The following CASP4 variants were observed in gnomAD, a reference collection of about 807,000 sequenced individuals.
CASP4 encodes caspase-4.
CASP4 carries 29 observed loss-of-function variants against 41.3 expected under a neutral mutation model. The observed-to-expected ratio is 0.70, with a 90% CI of 0.52 to 0.96. The LOEUF is 0.96. Ranked by LOEUF, CASP4 falls within the 40% of genes least tolerant of loss-of-function variation. CASP4 has a pLI of 0.00. For synonymous variants in CASP4, 185 were observed against 158.4 expected, an observed-to-expected ratio of 1.17 and a Z score of -1.26; for missense variants, 447 against 460.6, an observed-to-expected ratio of 0.97 and a Z score of 0.27.
intron 7 of CASP4, 33 bp downstream of exon 7, chr11:104,947,046 GAAGA>G (rs1374147919): frequency 4.3e-6 from 6 of 1,382,072 alleles, no homozygotes; most frequent in Non-Finnish European, 6.2e-6. Flanking sequence ...AATTCTTCCT[GAAGA>G]AATAAATGAG....
At chr11:104,967,660 G>T (rs981812801) in intron 1 of CASP4, among the ~76,000 whole-genome samples, 3 of 152,168 alleles carry the variant, frequency 2.0e-5, no homozygotes, top group African/African-American at 7.2e-5. Flanking sequence ...GGTAATAAAT[G>T]CCTGCAGGGT....
At chr11:104,948,840 C>CACCAT in intron 5 of CASP4, 164 bp from the exon 6 acceptor site, 1 of 279,154 alleles carries the variant, frequency 3.6e-6, no homozygotes, top group Non-Finnish European at 6.3e-6. Flanking sequence ...ACACACACCA[C>CACCAT]TTTTCTTTCT....
At chr11:104,957,237 A>T (rs55750323) in intron 1 of CASP4, among the ~76,000 whole-genome samples, 11 of 152,144 alleles carry the variant, frequency 7.2e-5, no homozygotes, top group African/African-American at 2.7e-4. Context: ...AACATACAAA[A>T]ATCTGTAGTG....
intron 1 of CASP4, among the ~76,000 whole-genome samples, chr11:104,955,211 T>A (rs1247364860): frequency 6.6e-6 from 1 of 152,156 alleles, no homozygotes; most frequent in Non-Finnish European, 1.5e-5. Context: ...TATTTTCTTT[T>A]TTGTTCTTTT....
intron 1 of CASP4, among the ~76,000 whole-genome samples, chr11:104,958,560 A>G (rs1334064205): frequency 2.6e-5 from 4 of 152,196 alleles, no homozygotes; most frequent in Non-Finnish European, 5.9e-5. Context: ...TGAAGTCACA[A>G]TGAAATATCA....
At chr11:104,956,232 A>G (rs553960627) in intron 1 of CASP4, among the ~76,000 whole-genome samples, 1 of 152,226 alleles carries the variant, frequency 6.6e-6, no homozygotes, top group African/African-American at 2.4e-5. Flanking sequence ...ACAATAAGCC[A>G]GTGGGGTAGT....
intron 2 of CASP4, among the ~76,000 whole-genome samples, chr11:104,953,639 G>A (rs1860667622): frequency 6.6e-6 from 1 of 152,100 alleles, no homozygotes; most frequent in South Asian, 2.1e-4. Flanking sequence ...AGTGCTGATT[G>A]AAAAAGCTCA....
chr11:104,960,623 C>T (rs191262361), intron 1 of CASP4, among the ~76,000 whole-genome samples: 51 of 152,236 alleles, frequency 3.4e-4, no homozygotes, highest in African/African-American at 1.2e-3. Context: ...GTGCACACAA[C>T]CACGCCTGGC....
rs548150305 is a variant in CASP4, at chr11:104,949,660, C to T, written c.664G>A (p.Asp222Asn). 5.0e-6 allele frequency: 8 copies of T among 1,613,960 alleles called. No individual in the cohort carries two copies. The African/African-American group carries it at 9.3e-5, about 19-fold the overall frequency. Residue 222 changes from aspartate (D) to asparagine (N), a missense_variant, in exon 5 of 9, where the codon GAT (aspartate) becomes AAT (asparagine). Physicochemically the swap from Asp to Asn is conservative, Grantham distance 23. Coordinates refer to ENST00000444739, the MANE Select transcript of CASP4 (RefSeq NM_001225.4). ...ILEGICGTVH[D>N]EKKPDVLLYD... is the part of the protein sequence containing the mutation. ...AGCAGCACATCTGGTTTTTTCTCAT[C>T]ATGCACAGTTCCGCAGATTCCCTCC...
chr11:104,952,729 A>G (rs1230147168), intron 2 of CASP4, among the ~76,000 whole-genome samples: 1 of 152,196 alleles, frequency 6.6e-6, no homozygotes, highest in Non-Finnish European at 1.5e-5. Context: ...TAATGATTCT[A>G]GAAGAAATGA....
chr11:104,954,589 A>T (rs1257729723), intron 2 of CASP4, among the ~76,000 whole-genome samples, 158 bp downstream of exon 2: 1 of 152,158 alleles, frequency 6.6e-6, no homozygotes, highest in East Asian at 1.9e-4. Flanking sequence ...TCCACCCCAC[A>T]AAAGGGAAGT....
In CASP4 at chr11:104,944,519, G is replaced by A. The variant is rs1034702307; in HGVS notation, c.*5+229C>T. The A allele has an allele frequency of 8.6e-5, 39 of 453,410 alleles. 1 individual carries two copies. Among genetic ancestry groups the A allele is most frequent in the South Asian group, 3.8e-4 (12 of 31,476 alleles). 28.1% of individuals were successfully genotyped at this position (453,410 alleles called of 1,614,324 possible). Reference sequence around the variant, plus strand: ...GTTTTTCATCATCACATTCTGCTGCGGTTTTCCTTACCTCCTTGATTGATT... The same window carrying A: ...GTTTTTCATCATCACATTCTGCTGCAGTTTTCCTTACCTCCTTGATTGATT... On this transcript the variant is annotated intron_variant, in intron 8 of 8. Coordinates refer to ENST00000444739, the MANE Select transcript of CASP4 (RefSeq NM_001225.4).
chr11:104,949,480 C>T, intron 5 of CASP4, 63 bp downstream of exon 5: 3 of 1,552,518 alleles, frequency 1.9e-6, no homozygotes, highest in Non-Finnish European at 1.8e-6. Context: ...TAAATATAAA[C>T]CAAACATCAC....
intron 7 of CASP4, among the ~76,000 whole-genome samples, 156 bp from the exon 8 acceptor site, chr11:104,945,007 A>C (rs1240792386): frequency 6.6e-6 from 1 of 152,110 alleles, no homozygotes; most frequent in East Asian, 1.9e-4. Context: ...ATTGTACCCT[A>C]CCTCTTAGAA....
At chr11:104,949,224 C>G (rs1168482973) in intron 5 of CASP4, 3 of 378,796 alleles carry the variant, frequency 7.9e-6, no homozygotes, top group African/African-American at 2.0e-5. Flanking sequence ...GTCAAAATTT[C>G]TGTAAAACAT....
At chr11:104,949,436 A>C (rs649739) in intron 5 of CASP4, 107 bp downstream of exon 5, 1,184,704 of 1,202,846 alleles carry the variant, frequency 0.98, 585,203 homozygotes, top group East Asian at 1. Flanking sequence ...AATGTACTTT[A>C]TTTACACTGG....
chr11:104,961,849 C>T (rs894228290), intron 1 of CASP4, among the ~76,000 whole-genome samples: 32 of 152,148 alleles, frequency 2.1e-4, no homozygotes, highest in Admixed American at 1.6e-3. Context: ...TGGTTACATT[C>T]GATGAGCCCT....
intron 2 of CASP4, 86 bp from the exon 3 acceptor site, chr11:104,952,091 T>C (rs944057625): frequency 1.3e-6 from 1 of 786,830 alleles, no homozygotes; most frequent in African/African-American, 1.7e-5. Flanking sequence ...GAAGACGTCC[T>C]GGGAAGATTT....
chr11:104,948,614 A>T lies in CASP4; in HGVS notation c.844T>A (p.Ser282Thr). Residue 282 changes from serine to threonine, a missense_variant, in exon 6 of 9, where the codon TCA becomes ACA. Ser to Thr is a moderately conservative substitution (Grantham distance 58). Transcript: ENST00000444739. The part of the protein sequence containing the change: ...PASLEVASSQ[S>T]SENLEEDAVY... ...GCATCTTCCTCTAGGTTCTCAGATGACTGTGAAGAGGCCACTTCCAAGGAT... is the reference window on the plus strand; with the variant it reads ...GCATCTTCCTCTAGGTTCTCAGATGTCTGTGAAGAGGCCACTTCCAAGGAT... The T allele has an allele frequency of 6.2e-7, 1 of 1,611,236 alleles. No individual in the cohort carries two copies. Among genetic ancestry groups the T allele is most frequent in the Non-Finnish European group, 8.5e-7 (1 of 1,178,296 alleles).
Sources: gnomAD v4.1 joint callset for allele counts (sites outside exome capture counted in the v4.1 genomes callset) on GRCh38, gnomAD v4.1.1 for gene constraint, MANE v1.5 for transcripts, NCBI Gene and HGNC (gene_info 2026-07-23, HGNC 2026-07-21) for gene names.